The following RAB3GAP2 variants were observed in gnomAD, a reference collection of about 807,000 sequenced individuals.
RAB3GAP2 encodes the protein RAB3 GTPase activating non-catalytic protein subunit 2.
Under a neutral mutation model 185.3 loss-of-function variants are expected in RAB3GAP2, and 87 were observed. The ratio of observed to expected loss-of-function variants is 0.47; its 90% CI spans 0.39 to 0.56. RAB3GAP2 has a LOEUF of 0.56. Among genes scored for constraint, RAB3GAP2 ranks in the 20% least tolerant of loss-of-function variants. RAB3GAP2 has a pLI of 0.00. For synonymous variants in RAB3GAP2, 554 were observed against 576.1 expected, an observed-to-expected ratio of 0.96 and a Z score of 0.55; for missense variants, 1,492 against 1,638.2, an observed-to-expected ratio of 0.91 and a Z score of 1.54.
At chr1:220,155,492 C>T (rs1181503787) in intron 31 of RAB3GAP2, among the ~76,000 whole-genome samples, 1 of 152,186 alleles carries the variant, frequency 6.6e-6, no homozygotes, top group African/African-American at 2.4e-5. Context: ...CTCGATAGTT[C>T]CCACCTGGTG....
In RAB3GAP2 at chr1:220,172,714, T is replaced by G; in HGVS notation, c.2339A>C (p.Lys780Thr). The part of the protein sequence containing the change: ...LSLLLSVWLS[K>T]EKDILDKPQS... ...TGGTTTATCCAAAATATCCTTTTCC[T>G]TTGAAAGCCAAACACTCAGGAGCAG... The change falls in exon 22 of 35, where the codon AAG becomes ACG. Residue 780 changes from lysine to threonine, a missense_variant. Around this residue, in one of 5 missense-constraint regions of RAB3GAP2, gnomAD observed 681 missense variants for 689.1 expected, o/e 0.99. Coordinates refer to ENST00000358951, the MANE Select transcript of RAB3GAP2 (RefSeq NM_012414.4). 1 of 1,612,602 alleles carries G rather than the reference T, an allele frequency of 6.2e-7. No individual in the cohort carries two copies. The highest frequency in any genetic ancestry group is 8.5e-7 in the Non-Finnish European group (1 of 1,178,598).
intron 21 of RAB3GAP2, among the ~76,000 whole-genome samples, chr1:220,180,855 G>A (rs531898634): frequency 1.8e-4 from 27 of 152,196 alleles, no homozygotes; most frequent in African/African-American, 6.0e-4. Flanking sequence ...ATGTAAATGG[G>A]GGTGTGTGAA....
intron 1 of RAB3GAP2, chr1:220,254,578 A>G: frequency 6.5e-7 from 1 of 1,529,672 alleles, no homozygotes; most frequent in Non-Finnish European, 9.1e-7. Context: ...GATCTCCGTA[A>G]ACACATTTTT....
chr1:220,265,820 G>A lies in RAB3GAP2; in HGVS notation c.115+6403C>T, dbSNP rs549341139. ...CATACTTGTAGTCCTAGCAACACAG[G>A]AGACTGAGGTGGGAGGATCCCTTGA... On this transcript the variant is annotated intron_variant, in intron 1 of 34. Coordinates refer to ENST00000358951, the MANE Select transcript of RAB3GAP2 (RefSeq NM_012414.4). Among the ~76,000 whole-genome samples, 4 of 152,132 alleles carry A rather than the reference G, an allele frequency of 2.6e-5. No individual in the cohort carries two copies. The South Asian group carries it at 8.3e-4, about 32-fold the overall frequency.
rs764326258 is a variant in RAB3GAP2, at chr1:220,182,942, GAAAAC to G, written c.1999-16_1999-12del. Reference sequence around the variant, plus strand: ...TAACAGAGCCAAGTCCTTTAAAACAGAAAACAAAACAAAACAACATTCCACATCTA... The same window carrying G: ...TAACAGAGCCAAGTCCTTTAAAACAGAAAACAAAACAACATTCCACATCTA... On this transcript the variant is annotated splice_polypyrimidine_tract_variant and intron_variant, in intron 19 of 34. Coordinates refer to ENST00000358951, the MANE Select transcript of RAB3GAP2 (RefSeq NM_012414.4). 1.0e-4 allele frequency: 162 copies of G among 1,597,178 alleles called. No homozygotes were observed. The highest frequency in any genetic ancestry group is 1.2e-4 in the Non-Finnish European group (143 of 1,166,408).
At chr1:220,250,024 C>G (rs1222159133) in intron 1 of RAB3GAP2, among the ~76,000 whole-genome samples, 1 of 152,202 alleles carries the variant, frequency 6.6e-6, no homozygotes, top group Non-Finnish European at 1.5e-5. Context: ...CAAGCCCCCA[C>G]ACAGAGTCCC....
At chr1:220,200,621 A>G (rs1362036922) in intron 9 of RAB3GAP2, 2 of 528,078 alleles carry the variant, frequency 3.8e-6, no homozygotes, top group East Asian at 1.1e-4. Context: ...TCAATGTTCC[A>G]AAGTTTAATT....
intron 21 of RAB3GAP2, among the ~76,000 whole-genome samples, chr1:220,181,401 A>G (rs1365253284): frequency 1.3e-5 from 2 of 152,150 alleles, no homozygotes; most frequent in African/African-American, 4.8e-5. Context: ...CTGTGTATGC[A>G]TGCATGTGTA....
At position 220,167,394 on chromosome 1, in the gene RAB3GAP2, G is replaced by C. The variant is rs767331869; in HGVS notation, c.2986C>G (p.Leu996Val). 15 of 1,613,982 alleles carry C rather than the reference G, an allele frequency of 9.3e-6. No individual in the cohort carries two copies. Among genetic ancestry groups the C allele is most frequent in the Non-Finnish European group, 1.3e-5 (15 of 1,179,950 alleles). The change falls in exon 26 of 35, where the codon CTG (leucine) becomes GTG (valine). Residue 996 changes from leucine (L) to valine (V), a missense_variant. Leu to Val is a conservative substitution (Grantham distance 32). Around this residue, in one of 5 missense-constraint regions of RAB3GAP2, gnomAD observed 4 missense variants for 18.5 expected, o/e 0.22. Transcript: ENST00000358951. Reference sequence around the variant, plus strand: ...GGAAACTGCTCATAGGCTAAATGCAGTAAGTCTGAAAGTCAGAAGAAAGCA... The same window carrying C: ...GGAAACTGCTCATAGGCTAAATGCACTAAGTCTGAAAGTCAGAAGAAAGCA... ...EMDLGAIPDLLHLAYEQFPCS... is the reference protein window; with the variant it reads ...EMDLGAIPDLVHLAYEQFPCS...
chr1:220,195,018 C>A, intron 12 of RAB3GAP2, 60 bp downstream of exon 12: 1 of 1,474,328 alleles, frequency 6.8e-7, no homozygotes, highest in Non-Finnish European at 9.5e-7. Context: ...CACGGAAAGA[C>A]CATACATTTA....
At chr1:220,246,712 T>C (rs1353942906) in intron 1 of RAB3GAP2, among the ~76,000 whole-genome samples, 46 of 132,654 alleles carry the variant, frequency 3.5e-4, no homozygotes, top group East Asian at 4.5e-4. Context: ...TAGGTGGGAA[T>C]TGAACAATGA....
Position 220,173,608 on chromosome 1 carries a change from T to A in RAB3GAP2, c.2311-866A>T, listed in dbSNP as rs867898515. On this transcript the variant is annotated intron_variant, in intron 21 of 34. Transcript: ENST00000358951. ...GACGACTTAGGGCCAGGAGCTGTGA[T>A]AAGTACGTGACATGCACATCACCTC... 1.3e-5 allele frequency among the ~76,000 whole-genome samples: 2 copies of A among 152,250 alleles called. 1 individual carries two copies. The highest frequency in any genetic ancestry group is 4.1e-4 in the South Asian group (2 of 4,836).
At chr1:220,235,628 G>T (rs1303086974) in intron 1 of RAB3GAP2, among the ~76,000 whole-genome samples, 1 of 152,160 alleles carries the variant, frequency 6.6e-6, no homozygotes, top group Non-Finnish European at 1.5e-5. Flanking sequence ...AGCCTTCAAA[G>T]AGCTTAGTTT....
chr1:220,189,130 T>C (rs1658559920), intron 17 of RAB3GAP2, among the ~76,000 whole-genome samples: 1 of 151,896 alleles, frequency 6.6e-6, no homozygotes, highest in Non-Finnish European at 1.5e-5. Flanking sequence ...CTCTTTAGAG[T>C]TCCTGGTAAG....
Position 220,205,891 on chromosome 1 carries a change from C to G in RAB3GAP2, c.712+16G>C, listed in dbSNP as rs1658954166. 6.6e-7 allele frequency: 1 copy of G among 1,526,182 alleles called. No individual in the cohort carries two copies. Among genetic ancestry groups the G allele is most frequent in the South Asian group, 1.1e-5 (1 of 88,774 alleles). The allele number at this position is 1,526,182 out of a possible 1,614,324, so 94.5% of individuals were successfully genotyped here. A position where few individuals can be genotyped will look rare whatever the true frequency, so the allele number is the denominator to read the frequency against. The stretch of plus-strand genomic sequence containing the variant: ...AAACATTAACAGAGGTTAAATATTT[C>G]TTGCCAAAATATTACCTTTTGCTAC... On this transcript the variant is annotated intron_variant, in intron 8 of 34. Transcript: ENST00000358951.
rs1658094866 is a variant in RAB3GAP2, at chr1:220,167,629, G to C, written c.2853C>G (p.Phe951Leu). 1.2e-6 allele frequency: 2 copies of C among 1,614,058 alleles called. No individual in the cohort carries two copies. Among genetic ancestry groups the C allele is most frequent in the Admixed American group, 1.7e-5 (1 of 60,020 alleles). Residue 951 changes from phenylalanine (F) to leucine (L), a missense_variant, in exon 25 of 35, where the codon TTC becomes TTG. This residue lies in a region of RAB3GAP2 where 681 missense variants were observed against 689.1 expected (regional missense o/e 0.99). Coordinates refer to ENST00000358951, the MANE Select transcript of RAB3GAP2 (RefSeq NM_012414.4). ...SVAKWIFKQD[F>L]SPEVLKLANE... ...TAGCCAGTTTTAATACTTCAGGGCT[G>C]AAGTCCTGTTTAAATATCCACTTGG... is the stretch of plus-strand genomic sequence containing the variant.
chr1:220,223,005 T>C (rs931971770), intron 2 of RAB3GAP2, among the ~76,000 whole-genome samples: 1 of 152,236 alleles, frequency 6.6e-6, no homozygotes, highest in African/African-American at 2.4e-5. Flanking sequence ...ACTAAATGTA[T>C]ACTTCTCTAT....
intron 21 of RAB3GAP2, among the ~76,000 whole-genome samples, chr1:220,174,263 C>A (rs1403858550): frequency 6.6e-6 from 1 of 152,026 alleles, no homozygotes. Flanking sequence ...CATATATACA[C>A]ACACACACAT....
At chr1:220,210,715 A>AT in intron 6 of RAB3GAP2, 86 bp downstream of exon 6, 1 of 1,351,718 alleles carries the variant, frequency 7.4e-7, no homozygotes, top group Non-Finnish European at 1.0e-6. Context: ...GGCAGCAGGT[A>AT]ATAAAGTCAC....
Sources: gnomAD v4.1 joint callset for allele counts (sites outside exome capture counted in the v4.1 genomes callset) on GRCh38, gnomAD v4.1.1 for gene constraint, gnomAD v4.1.1 regional missense constraint, MANE v1.5 for transcripts, NCBI Gene and HGNC (gene_info 2026-07-23, HGNC 2026-07-21) for gene names.